Variants in NKAIN3 observed in about 807,000 individuals in gnomAD.
The protein encoded by NKAIN3 is sodium/potassium-transporting ATPase subunit beta-1-interacting protein 3.
A neutral mutation model predicts 30.2 loss-of-function variants in NKAIN3; 25 were observed. The ratio of observed to expected loss-of-function variants is 0.83; its 90% CI spans 0.60 to 1.16. NKAIN3 has a LOEUF of 1.16. NKAIN3 is among the 50% of genes most tolerant of loss of function. NKAIN3 has a pLI of 0.00. For synonymous variants in NKAIN3, 91 were observed against 89.6 expected (o/e 1.02, Z -0.09); for missense variants, 225 against 254.1 (o/e 0.89, Z 0.78).
rs1812328017 is a variant in NKAIN3 at position 62,642,111 on chromosome 8, A to G, written c.273+52317A>G. ...TAAAGATAATACATGTTTTTTATTT[A>G]AAGTTTAGAAGTTGAGAAAATAACG... On this transcript the variant is annotated intron_variant, in intron 3 of 6. Transcript: ENST00000623646. Among the ~76,000 whole-genome samples, 2 of 152,140 alleles carry G rather than the reference A, an allele frequency of 1.3e-5. 1 individual carries two copies. The highest frequency in any genetic ancestry group is 2.9e-5 in the Non-Finnish European group (2 of 68,020).
At chr8:62,643,205 A>G (rs117505295) in intron 3 of NKAIN3, among the ~76,000 whole-genome samples, 8 of 152,256 alleles carry the variant, frequency 5.3e-5, no homozygotes, top group Non-Finnish European at 8.8e-5. Flanking sequence ...CAGTATAGTA[A>G]CATTATTCTA....
chr8:62,496,128 G>A (rs1807229588), intron 1 of NKAIN3, among the ~76,000 whole-genome samples: 2 of 152,000 alleles, frequency 1.3e-5, no homozygotes, highest in South Asian at 4.1e-4. Context: ...TGTGCATCAT[G>A]GCCTATTAAT....
At position 62,505,182 on chromosome 8, in the gene NKAIN3, CA is replaced by C. The variant is rs752596885; in HGVS notation, c.55-74353del. ...TAAGGGCAATTACTGTGGCTATGCA[CA>C]AAACTTTGCTGTGAAACATTTATCA... On this transcript the variant is annotated intron_variant, in intron 1 of 6. Coordinates refer to ENST00000623646, the MANE Select transcript of NKAIN3 (RefSeq NM_001304533.3). Among the ~76,000 whole-genome samples the C allele has an allele frequency of 3.9e-5, 6 of 152,280 alleles. No homozygotes were observed. The East Asian group carries it at 5.8e-4, about 15-fold the overall frequency.
intron 4 of NKAIN3, among the ~76,000 whole-genome samples, chr8:62,874,035 C>T (rs750277959): frequency 5.3e-5 from 8 of 151,616 alleles, no homozygotes; most frequent in Non-Finnish European, 8.8e-5. Context: ...AAAAAATCAA[C>T]GAATTCAGGA....
intron 1 of NKAIN3, among the ~76,000 whole-genome samples, chr8:62,411,009 G>T (rs1804220911): frequency 6.6e-6 from 1 of 152,140 alleles, no homozygotes; most frequent in South Asian, 2.1e-4. Context: ...CCAAAAAATG[G>T]AGGCAGAGGG....
intron 1 of NKAIN3, among the ~76,000 whole-genome samples, chr8:62,268,334 C>G (rs547681522): frequency 1.3e-5 from 2 of 152,294 alleles, no homozygotes; most frequent in East Asian, 3.9e-4. Flanking sequence ...GTTCATACTT[C>G]TTTCCATATC....
At chr8:62,878,946 A>G (rs1337309658) in intron 4 of NKAIN3, among the ~76,000 whole-genome samples, 1 of 152,028 alleles carries the variant, frequency 6.6e-6, no homozygotes, top group Admixed American at 6.6e-5. Context: ...AATCTTTGCT[A>G]TTGTGAATAG....
At position 62,978,573 on chromosome 8, in the gene NKAIN3, G is replaced by A. The variant is rs574069639; in HGVS notation, c.*13166G>A. 3.5e-4 allele frequency: 53 copies of A among 152,378 alleles called. No individual in the cohort carries two copies. Among genetic ancestry groups the A allele is most frequent in the African/African-American group, 1.2e-3 (49 of 41,564 alleles). The allele number at this position is 152,378 out of a possible 1,614,324, so 9.4% of individuals were successfully genotyped here. A position where few individuals can be genotyped will look rare whatever the true frequency, so the allele number is the denominator to read the frequency against. ...TGGCAGATACCTCTCCCCCAACCAA[G>A]CTTGAGCATCCCAGGTCTACTTCAG... is the stretch of plus-strand genomic sequence containing the variant. On this transcript the variant is annotated 3_prime_UTR_variant, in exon 7 of 7. Coordinates refer to ENST00000623646, the MANE Select transcript of NKAIN3 (RefSeq NM_001304533.3).
At chr8:62,524,665 T>G (rs1459109454) in intron 1 of NKAIN3, among the ~76,000 whole-genome samples, 1 of 152,154 alleles carries the variant, frequency 6.6e-6, no homozygotes, top group Non-Finnish European at 1.5e-5. Context: ...CACCCATCCT[T>G]CTGAGGTAGC....
At chr8:62,584,499 C>T (rs1218007463) in intron 2 of NKAIN3, among the ~76,000 whole-genome samples, 1 of 152,158 alleles carries the variant, frequency 6.6e-6, no homozygotes, top group Non-Finnish European at 1.5e-5. Context: ...ACTAGCTTTT[C>T]CAAACTCTTA....
chr8:62,968,800 C>T lies in NKAIN3; in HGVS notation c.*3393C>T, dbSNP rs1396601478. ...CGTCTTCTGCTGACCTCGTGCAGCA[C>T]CGCAGGAAGCTGGGATGCTTTCGAG... On this transcript the variant is annotated 3_prime_UTR_variant, in exon 7 of 7. Transcript: ENST00000623646. 6.6e-6 allele frequency among the ~76,000 whole-genome samples: 1 copy of T among 152,158 alleles called. No homozygotes were observed. Among genetic ancestry groups the T allele is most frequent in the Non-Finnish European group, 1.5e-5 (1 of 68,038 alleles).
At chr8:62,599,885 C>A (rs1013315286) in intron 3 of NKAIN3, among the ~76,000 whole-genome samples, 1 of 151,984 alleles carries the variant, frequency 6.6e-6, no homozygotes, top group African/African-American at 2.4e-5. Flanking sequence ...ACTTTAAGAT[C>A]ATCAAGGGCA....
At chr8:62,511,065 A>G (rs754507668) in intron 1 of NKAIN3, among the ~76,000 whole-genome samples, 1 of 152,040 alleles carries the variant, frequency 6.6e-6, no homozygotes, top group Non-Finnish European at 1.5e-5. Flanking sequence ...CTCCAGCACA[A>G]ATCTTTAACT....
At chr8:62,691,799 A>G (rs79919638) in intron 3 of NKAIN3, among the ~76,000 whole-genome samples, 4,136 of 152,268 alleles carry the variant, frequency 0.027, 194 homozygotes, top group African/African-American at 0.094. Flanking sequence ...TGTGTCAGTT[A>G]GCTATTTAAT....
chr8:62,289,665 G>A (rs1255021374), intron 1 of NKAIN3, among the ~76,000 whole-genome samples: 1 of 152,208 alleles, frequency 6.6e-6, no homozygotes, highest in Non-Finnish European at 1.5e-5. Context: ...ATAGTTTGAA[G>A]TCAGGTAGGG....
intron 5 of NKAIN3, among the ~76,000 whole-genome samples, chr8:62,920,922 A>G (rs1187488840): frequency 1.3e-5 from 2 of 152,180 alleles, no homozygotes; most frequent in Non-Finnish European, 2.9e-5. Context: ...AATGAGGGTA[A>G]TTTTATATTT....
chr8:62,964,812 TA>T (rs34832994), intron 6 of NKAIN3, among the ~76,000 whole-genome samples: 20 of 150,814 alleles, frequency 1.3e-4, no homozygotes, highest in African/African-American at 2.9e-4. Context: ...ATAAAAAATT[TA>T]AAAAAAAACA....
At chr8:62,403,392 G>A (rs759143311) in intron 1 of NKAIN3, among the ~76,000 whole-genome samples, 1 of 152,226 alleles carries the variant, frequency 6.6e-6, no homozygotes, top group Non-Finnish European at 1.5e-5. Flanking sequence ...TCCAGGGCAT[G>A]TCGGAGACCT....
intron 3 of NKAIN3, among the ~76,000 whole-genome samples, chr8:62,607,100 C>CG (rs1811153464): frequency 1.3e-5 from 2 of 152,216 alleles, no homozygotes; most frequent in East Asian, 3.9e-4. Context: ...TGAAGTTAGC[C>CG]ATACAGGGAG....
Sources: allele counts gnomAD v4.1 joint callset (sites outside exome capture counted in the v4.1 genomes callset), GRCh38; gene constraint gnomAD v4.1.1; transcripts MANE v1.5; gene names NCBI Gene and HGNC (gene_info 2026-07-23, HGNC 2026-07-21).